SEMA3A: variants seen among roughly 807,000 people sequenced by gnomAD.
SEMA3A encodes semaphorin 3A.
Under a neutral mutation model 97.9 loss-of-function variants are expected in SEMA3A, and 29 were observed. That is an observed-to-expected ratio of 0.30 (90% CI 0.22 to 0.40). The LOEUF (loss-of-function observed/expected upper bound fraction) is 0.40, where lower values mean the gene tolerates loss of function less well. Among genes scored for constraint, SEMA3A ranks in the 10% least tolerant of loss-of-function variants. SEMA3A has a pLI of 1.00. For synonymous variants in SEMA3A, 321 were observed against 323.7 expected, an observed-to-expected ratio of 0.99 and a Z score of 0.09; for missense variants, 763 against 951.3, an observed-to-expected ratio of 0.80 and a Z score of 2.60.
chr7:84,202,913 T>G (rs904381567), intron 3 of SEMA3A, among the ~76,000 whole-genome samples: 1 of 152,200 alleles, frequency 6.6e-6, no homozygotes, highest in African/African-American at 2.4e-5. Flanking sequence ...ATGTGCTTAA[T>G]TTTTTAATAC....
At chr7:84,441,834 CA>C (rs1473210829) in intron 1 of SEMA3A, among the ~76,000 whole-genome samples, 5 of 152,134 alleles carry the variant, frequency 3.3e-5, no homozygotes, top group African/African-American at 1.2e-4. Flanking sequence ...AGATCATCAG[CA>C]AATTTCTTTT....
At chr7:84,264,653 C>T (rs1381869817) in intron 3 of SEMA3A, among the ~76,000 whole-genome samples, 1 of 152,168 alleles carries the variant, frequency 6.6e-6, no homozygotes, top group African/African-American at 2.4e-5. Flanking sequence ...GAATGAGCCA[C>T]ATTCATGCCT....
chr7:84,186,470 A>G (rs1300606876), intron 1 of SEMA3A, among the ~76,000 whole-genome samples: 1 of 152,214 alleles, frequency 6.6e-6, no homozygotes, highest in African/African-American at 2.4e-5. Flanking sequence ...AACAGCATTT[A>G]TTCTCTTGAA....
At chr7:84,352,041 G>GA (rs35118818) in intron 2 of SEMA3A, among the ~76,000 whole-genome samples, 41,223 of 134,726 alleles carry the variant, frequency 0.31, 6,168 homozygotes, top group African/African-American at 0.39. Flanking sequence ...GCAGCCATAA[G>GA]AAAAAAAAAA....
intron 2 of SEMA3A, among the ~76,000 whole-genome samples, chr7:84,349,462 A>T (rs1802383130): frequency 6.6e-6 from 1 of 152,220 alleles, no homozygotes; most frequent in African/African-American, 2.4e-5. Flanking sequence ...GAAAACTCAA[A>T]TAAATTGAGA....
intron 3 of SEMA3A, among the ~76,000 whole-genome samples, chr7:84,207,234 AT>A (rs891955461): frequency 6.6e-6 from 1 of 152,184 alleles, no homozygotes; most frequent in Non-Finnish European, 1.5e-5. Flanking sequence ...TCCTCAACAA[AT>A]GTAAGTGAAT....
intron 1 of SEMA3A, among the ~76,000 whole-genome samples, chr7:84,415,787 T>A (rs1253378154): frequency 6.6e-6 from 1 of 152,070 alleles, no homozygotes; most frequent in Admixed American, 6.6e-5. Flanking sequence ...TCTCCAGTCA[T>A]AGAAAAACCA....
At chr7:84,344,011 G>GA (rs879466942) in intron 2 of SEMA3A, among the ~76,000 whole-genome samples, 105 of 140,428 alleles carry the variant, frequency 7.5e-4, no homozygotes, top group African/African-American at 1.5e-3. Flanking sequence ...TTGTTTCGGG[G>GA]AAAAAAAAAA....
intron 3 of SEMA3A, among the ~76,000 whole-genome samples, chr7:84,226,290 G>T (rs1798989443): frequency 6.6e-6 from 1 of 151,864 alleles, no homozygotes; most frequent in African/African-American, 2.4e-5. Context: ...TTTTGCCATG[G>T]ACTCCCCTAT....
At chr7:84,088,837 CCATGATTAATA>C (rs1387253381) in intron 4 of SEMA3A, among the ~76,000 whole-genome samples, 7 of 151,884 alleles carry the variant, frequency 4.6e-5, no homozygotes, top group Admixed American at 1.3e-4. Context: ...TTACTTGCAG[CCATGATTAATA>C]CATGAAAGTA....
chr7:84,156,674 AG>A (rs1796855629), intron 1 of SEMA3A, among the ~76,000 whole-genome samples: 1 of 152,176 alleles, frequency 6.6e-6, no homozygotes, highest in Admixed American at 6.5e-5. Context: ...CATGTCAAAA[AG>A]ACATGAAATG....
intron 11 of SEMA3A, among the ~76,000 whole-genome samples, chr7:84,003,788 C>A (rs892796776): frequency 5.9e-5 from 9 of 152,046 alleles, no homozygotes; most frequent in African/African-American, 1.9e-4. Flanking sequence ...CTAATATTTA[C>A]CCAAGAGAAA....
intron 3 of SEMA3A, among the ~76,000 whole-genome samples, chr7:84,279,324 G>A (rs73384867): frequency 0.057 from 8,713 of 152,108 alleles, 290 homozygotes; most frequent in African/African-American, 0.096. Flanking sequence ...CTAATAGGAT[G>A]TAATAAGAAG....
At chr7:84,050,625 G>C (rs1233074760) in intron 5 of SEMA3A, among the ~76,000 whole-genome samples, 1 of 151,944 alleles carries the variant, frequency 6.6e-6, no homozygotes, top group Non-Finnish European at 1.5e-5. Flanking sequence ...TGTCAGATGA[G>C]TAGGTTGCGA....
intron 5 of SEMA3A, among the ~76,000 whole-genome samples, chr7:84,050,170 A>C (rs1270113736): frequency 6.6e-6 from 1 of 151,992 alleles, no homozygotes; most frequent in East Asian, 1.9e-4. Context: ...TGCCGCAATA[A>C]ACATACGTGT....
At chr7:84,344,213 T>G (rs923417722) in intron 2 of SEMA3A, among the ~76,000 whole-genome samples, 1 of 152,160 alleles carries the variant, frequency 6.6e-6, no homozygotes, top group Non-Finnish European at 1.5e-5. Flanking sequence ...TTCAATATTA[T>G]GAAGATAAAC....
chr7:84,240,867 G>A (rs960387186), intron 3 of SEMA3A, among the ~76,000 whole-genome samples: 1 of 152,138 alleles, frequency 6.6e-6, no homozygotes, highest in Non-Finnish European at 1.5e-5. Flanking sequence ...TTGGTTTTCT[G>A]TTCCTGTGTT....
intron 3 of SEMA3A, among the ~76,000 whole-genome samples, chr7:84,270,603 T>C (rs1338276193): frequency 6.1e-5 from 9 of 147,720 alleles, no homozygotes; most frequent in Non-Finnish European, 1.2e-4. Flanking sequence ...ATTATTTATA[T>C]ATTATTCATA....
At chr7:84,286,749 A>G (rs549712355) in intron 3 of SEMA3A, among the ~76,000 whole-genome samples, 2 of 152,236 alleles carry the variant, frequency 1.3e-5, no homozygotes, top group Admixed American at 1.3e-4. Flanking sequence ...AACTCAGAGC[A>G]GCTCTTATTC....
Sources: allele counts gnomAD v4.1 joint callset (sites outside exome capture counted in the v4.1 genomes callset), GRCh38; gene constraint gnomAD v4.1.1; transcripts MANE v1.5; gene names NCBI Gene and HGNC (gene_info 2026-07-23, HGNC 2026-07-21).